DNAJC6: variants seen among roughly 807,000 people sequenced by gnomAD.
DNAJC6 encodes the protein auxilin.
DNAJC6 carries 34 observed loss-of-function variants against 110.0 expected under a neutral mutation model. That is an observed-to-expected ratio of 0.31 (90% CI 0.24 to 0.41). The LOEUF is 0.41. DNAJC6 is among the 10% of genes least tolerant of loss of function. The probability of loss-of-function intolerance (pLI) is 1.00; values close to 1 mark genes in which losing one functional copy is unlikely to be tolerated. For synonymous variants in DNAJC6, 406 were observed against 437.2 expected (o/e 0.93, Z 0.89); for missense variants, 1,031 against 1,207.8 (o/e 0.85, Z 2.17).
In DNAJC6 at chr1:65,315,293, T is replaced by TC. The variant is rs564095368; in HGVS notation, c.193+5355_193+5356insC. On this transcript the variant is annotated intron_variant, in intron 1 of 18. Coordinates refer to ENST00000371069, the MANE Select transcript of DNAJC6 (RefSeq NM_001256864.2). Reference sequence around the variant, plus strand: ...TAAGCTTTGAGAATAATGTTTTTTTTTTTTATTATTTTGCACAACAGGGGT... The same window carrying TC: ...TAAGCTTTGAGAATAATGTTTTTTTTCTTTTATTATTTTGCACAACAGGGGT... Among the ~76,000 whole-genome samples the TC allele has an allele frequency of 1.6e-3, 246 of 152,180 alleles. 2 individuals carry two copies. The highest frequency in any genetic ancestry group is 5.8e-3 in the African/African-American group (241 of 41,522).
At chr1:65,373,946 T>C (rs548173122) in intron 4 of DNAJC6, among the ~76,000 whole-genome samples, 11 of 152,302 alleles carry the variant, frequency 7.2e-5, no homozygotes, top group African/African-American at 2.6e-4. Flanking sequence ...ATCAATTTTA[T>C]TTGATTTTTA....
Position 65,392,828 on chromosome 1 carries a change from C to T in DNAJC6, c.1866C>T (p.Thr622=). Residue 622 remains threonine (T), a synonymous_variant, in exon 12 of 19, where the codon ACC becomes ACT. Coordinates refer to ENST00000371069, the MANE Select transcript of DNAJC6 (RefSeq NM_001256864.2). The part of the protein sequence containing the change: ...STQSTPRRSA[T]STSASPTLRV... ...AGTCAACACCACGCCGCTCTGCCACCTCCACCTCTGCGTCTCCAACCCTAA... is the reference window on the plus strand; with the variant it reads ...AGTCAACACCACGCCGCTCTGCCACTTCCACCTCTGCGTCTCCAACCCTAA... 6.5e-7 allele frequency: 1 copy of T among 1,549,498 alleles called. No individual in the cohort carries two copies. Among genetic ancestry groups the T allele is most frequent in the Non-Finnish European group, 8.7e-7 (1 of 1,150,220 alleles).
intron 4 of DNAJC6, 61 bp from the exon 5 acceptor site, chr1:65,379,341 A>C: frequency 6.2e-7 from 1 of 1,602,024 alleles, no homozygotes; most frequent in Non-Finnish European, 8.5e-7. Flanking sequence ...TTGGTGTGAT[A>C]ACCTGCTTAT....
chr1:65,288,612 T>G (rs531868811), intron 1 of DNAJC6, among the ~76,000 whole-genome samples: 2 of 152,320 alleles, frequency 1.3e-5, no homozygotes, highest in South Asian at 4.1e-4. Flanking sequence ...ACTGTGTAAC[T>G]AGCATCCAAA....
Position 65,395,045 on chromosome 1 carries a change from T to C in DNAJC6, c.2038+13T>C. The C allele has an allele frequency of 2.5e-6, 4 of 1,598,518 alleles. No individual in the cohort carries two copies. Among genetic ancestry groups the C allele is most frequent in the Non-Finnish European group, 2.6e-6 (3 of 1,174,922 alleles). On this transcript the variant is annotated intron_variant, in intron 13 of 18. Coordinates refer to ENST00000371069, the MANE Select transcript of DNAJC6 (RefSeq NM_001256864.2). Reference sequence around the variant, plus strand: ...CCCACAGTACATGGTAAGGAAATATTTTATATTGTGTTCAGTGGAACATAG... The same window carrying C: ...CCCACAGTACATGGTAAGGAAATATCTTATATTGTGTTCAGTGGAACATAG...
chr1:65,266,690 G>A (rs1428201597), intron 1 of DNAJC6, among the ~76,000 whole-genome samples: 2 of 151,432 alleles, frequency 1.3e-5, no homozygotes, highest in Non-Finnish European at 2.9e-5. Flanking sequence ...AGGGTTTCTG[G>A]AGAGAAAAAA....
In DNAJC6 at chr1:65,389,404, C is replaced by T; in HGVS notation, c.1342C>T (p.Leu448Phe). The stretch of plus-strand genomic sequence containing the variant: ...CACAAAAGATGTCAATCCCAGCATC[C>T]TCTTCTCTTCTCACCAGGAACATCA... Reference protein sequence around the residue: ...YCTKDVNPSILFSSHQEHQDT... With the variant: ...YCTKDVNPSIFFSSHQEHQDT... Residue 448 changes from leucine (L) to phenylalanine (F), a missense_variant, in exon 10 of 19, where the codon CTC becomes TTC. Physicochemically the swap from Leu to Phe is conservative, Grantham distance 22. Coordinates refer to ENST00000371069, the MANE Select transcript of DNAJC6 (RefSeq NM_001256864.2). 6.2e-7 allele frequency: 1 copy of T among 1,614,130 alleles called. No homozygotes were observed. Among genetic ancestry groups the T allele is most frequent in the Non-Finnish European group, 8.5e-7 (1 of 1,180,030 alleles).
intron 1 of DNAJC6, among the ~76,000 whole-genome samples, chr1:65,288,151 G>A (rs1283507424): frequency 6.6e-6 from 1 of 152,154 alleles, no homozygotes; most frequent in Non-Finnish European, 1.5e-5. Flanking sequence ...AAGGGGATCT[G>A]GGGGTCTGTC....
intron 17 of DNAJC6, among the ~76,000 whole-genome samples, chr1:65,409,006 G>A (rs1646102789): frequency 6.6e-6 from 1 of 152,044 alleles, no homozygotes; most frequent in Non-Finnish European, 1.5e-5. Context: ...AGCCATTTTG[G>A]TGTCTGGTGA....
chr1:65,294,291 A>C (rs1644907190), intron 1 of DNAJC6, among the ~76,000 whole-genome samples: 1 of 152,220 alleles, frequency 6.6e-6, no homozygotes, highest in Admixed American at 6.5e-5. Context: ...GCTGTATTTC[A>C]GGATCATGTT....
rs1202696034 is a variant in DNAJC6 at position 65,340,543 on chromosome 1, G to T, written c.194-24092G>T. Among the ~76,000 whole-genome samples the T allele has an allele frequency of 3.3e-5, 5 of 152,304 alleles. No individual in the cohort carries two copies. In the East Asian group the frequency reaches 9.6e-4, roughly 29 times the overall value. ...ATTTAGAGCCACACAGATCTGGTTT[G>T]TGTTCTGACCCCAGTGTTTCTTAGA... On this transcript the variant is annotated intron_variant, in intron 1 of 18. Transcript: ENST00000371069.
intron 4 of DNAJC6, among the ~76,000 whole-genome samples, chr1:65,372,555 C>T (rs1038796545): frequency 6.6e-6 from 1 of 152,094 alleles, no homozygotes; most frequent in African/African-American, 2.4e-5. Flanking sequence ...CGCAAGCTAG[C>T]ATTTACTGTG....
At chr1:65,310,893 C>T (rs1363552463) in intron 1 of DNAJC6, among the ~76,000 whole-genome samples, 2 of 152,138 alleles carry the variant, frequency 1.3e-5, no homozygotes, top group African/African-American at 4.8e-5. Context: ...TAATACTGGA[C>T]AACTGAGGAT....
intron 1 of DNAJC6, among the ~76,000 whole-genome samples, chr1:65,299,448 G>C (rs896088869): frequency 2.0e-5 from 3 of 152,130 alleles, no homozygotes; most frequent in African/African-American, 7.2e-5. Flanking sequence ...CTCTGGGCTG[G>C]GTCTGTCCTG....
chr1:65,354,965 C>T (rs1394833650), intron 1 of DNAJC6, among the ~76,000 whole-genome samples: 3 of 152,096 alleles, frequency 2.0e-5, no homozygotes, highest in Non-Finnish European at 4.4e-5. Context: ...CCAAACCTTC[C>T]AGCAACTTCC....
chr1:65,353,959 G>A (rs937856828), intron 1 of DNAJC6, among the ~76,000 whole-genome samples: 1 of 152,036 alleles, frequency 6.6e-6, no homozygotes, highest in Admixed American at 6.6e-5. Flanking sequence ...GATCTGTTTG[G>A]TCTTCCTTGC....
At chr1:65,271,637 C>T (rs923126796) in intron 1 of DNAJC6, among the ~76,000 whole-genome samples, 5 of 151,956 alleles carry the variant, frequency 3.3e-5, no homozygotes, top group African/African-American at 1.2e-4. Context: ...GAGGTGGAGG[C>T]AGGTGGAACA....
At chr1:65,395,897 T>G (rs1645972393) in intron 13 of DNAJC6, among the ~76,000 whole-genome samples, 1 of 152,186 alleles carries the variant, frequency 6.6e-6, no homozygotes, top group African/African-American at 2.4e-5. Flanking sequence ...GATAAATAAC[T>G]TTGAGCCAGA....
chr1:65,283,143 T>C (rs1351204330), intron 1 of DNAJC6, among the ~76,000 whole-genome samples: 1 of 152,138 alleles, frequency 6.6e-6, no homozygotes, highest in African/African-American at 2.4e-5. Flanking sequence ...GAACTTAAGG[T>C]TTCACCAGTC....
Sources: gnomAD v4.1 joint callset for allele counts (sites outside exome capture counted in the v4.1 genomes callset) on GRCh38, gnomAD v4.1.1 for gene constraint, MANE v1.5 for transcripts, NCBI Gene and HGNC (gene_info 2026-07-23, HGNC 2026-07-21) for gene names.